The following OTOGL variants were observed in gnomAD, a reference collection of about 807,000 sequenced individuals.
The protein encoded by OTOGL is otogelin-like protein.
Under a neutral mutation model 318.5 loss-of-function variants are expected in OTOGL, and 285 were observed. The observed-to-expected ratio is 0.89, with a 90% CI of 0.81 to 0.99. The LOEUF (loss-of-function observed/expected upper bound fraction) is 0.99, where lower values mean the gene tolerates loss of function less well. OTOGL is among the 50% of genes least tolerant of loss of function. The pLI is 0.00. For missense variants in OTOGL, 2,899 were observed against 2,845.6 expected, an observed-to-expected ratio of 1.02 and a Z score of -0.43; for synonymous variants, 987 against 936.5, an observed-to-expected ratio of 1.05 and a Z score of -0.99.
chr12:80,193,850 T>C (rs1037826260), intron 1 of OTOGL, among the ~76,000 whole-genome samples: 1 of 152,184 alleles, frequency 6.6e-6, no homozygotes, highest in Non-Finnish European at 1.5e-5. Context: ...TCTGCCTAAA[T>C]TGGATTTGTG....
intron 42 of OTOGL, 80 bp from the exon 43 acceptor site, chr12:80,338,995 G>A (rs1008378433): frequency 7.7e-6 from 9 of 1,167,004 alleles, no homozygotes; most frequent in Admixed American, 2.6e-5. Context: ...CATTAAATCA[G>A]AATAAAGGAA....
In OTOGL at chr12:80,314,307, C is replaced by G; in HGVS notation, c.3610C>G (p.Leu1204Val). ...IHWRSSTVCS[L>V]DCEYYNEGLG... ...TATTTATTCTTTTTTTCTTTTAGCACTTGATTGTGAATACTACAATGAAGG... is the reference window on the plus strand; with the variant it reads ...TATTTATTCTTTTTTTCTTTTAGCAGTTGATTGTGAATACTACAATGAAGG... The change falls in exon 32 of 59, where the codon CTT becomes GTT. Residue 1204 changes from leucine to valine, a missense_variant and splice_region_variant. By Grantham distance (32) the Leu-to-Val change is conservative. Around this residue, in one of 3 missense-constraint regions of OTOGL, gnomAD observed 2,607 missense variants for 2,524.9 expected, o/e 1.03. Transcript: ENST00000547103. 1 of 1,047,060 alleles carries G rather than the reference C, an allele frequency of 9.6e-7. No individual in the cohort carries two copies. The allele number at this position is 1,047,060 out of a possible 1,614,324, so 64.9% of individuals were successfully genotyped here.
At chr12:80,171,695 C>T (rs1049474023) in intron 1 of OTOGL, among the ~76,000 whole-genome samples, 2 of 152,110 alleles carry the variant, frequency 1.3e-5, no homozygotes, top group African/African-American at 4.8e-5. Flanking sequence ...ATCTACCAAA[C>T]TTCTCCTGGG....
intron 26 of OTOGL, among the ~76,000 whole-genome samples, chr12:80,289,742 C>A (rs1884903912): frequency 6.6e-6 from 1 of 152,278 alleles, no homozygotes; most frequent in Admixed American, 6.5e-5. Flanking sequence ...GGACGCCCCT[C>A]CCCCAACCAA....
In OTOGL at chr12:80,192,979, A is replaced by G. The variant is rs74444321; in HGVS notation, c.-19-16434A>G. On this transcript the variant is annotated intron_variant, in intron 1 of 58. Coordinates refer to ENST00000547103, the MANE Select transcript of OTOGL (RefSeq NM_001378609.3). ...CTTCATTCTTACATAGTATGGGCTC[A>G]TTGAAAATACTAAAAAAAAAACCGA... 5.4e-3 allele frequency among the ~76,000 whole-genome samples: 770 copies of G among 141,628 alleles called. 8 individuals carry two copies. The highest frequency in any genetic ancestry group is 0.019 in the African/African-American group (730 of 39,386). 92.9% of individuals were successfully genotyped at this position (141,628 alleles called of 152,430 possible). A position where few individuals can be genotyped will look rare whatever the true frequency, so the allele number is the denominator to read the frequency against.
chr12:80,249,290 G>T (rs1477555410), intron 11 of OTOGL, among the ~76,000 whole-genome samples: 1 of 151,384 alleles, frequency 6.6e-6, no homozygotes, highest in Admixed American at 6.5e-5. Context: ...CCCCATCTTT[G>T]TGGTTTTATC....
At chr12:80,275,566 C>A (rs1256587270) in intron 24 of OTOGL, among the ~76,000 whole-genome samples, 1 of 151,872 alleles carries the variant, frequency 6.6e-6, no homozygotes, top group Non-Finnish European at 1.5e-5. Flanking sequence ...GTTGATAAAG[C>A]AGTGGTAGGG....
intron 32 of OTOGL, among the ~76,000 whole-genome samples, chr12:80,316,542 T>C (rs1592699557): frequency 6.6e-6 from 1 of 152,190 alleles, no homozygotes; most frequent in Admixed American, 6.6e-5. Flanking sequence ...AAACCTGTTC[T>C]TCTAGTTTCA....
chr12:80,242,625 C>T (rs760106187), intron 11 of OTOGL, among the ~76,000 whole-genome samples: 1 of 152,006 alleles, frequency 6.6e-6, no homozygotes, highest in Non-Finnish European at 1.5e-5. Context: ...TAATTTCCTG[C>T]TTGGGTTATG....
rs1289543161 is a variant in OTOGL at position 80,320,474 on chromosome 12, T to A, written c.3855T>A (p.Tyr1285Ter). ...ESAERPNYFL[Y>*]VHDNDTLSLE... ...CTGAAAGGCCAAACTACTTTCTCTA[T>A]GTCCATGACAATGATACTCTTAGCT... The change falls in exon 34 of 59, where the codon TAT becomes TAA. Residue 1285 changes from tyrosine to a stop codon, truncating the protein, a stop_gained. Coordinates refer to ENST00000547103, the MANE Select transcript of OTOGL (RefSeq NM_001378609.3). LOFTEE classifies it high-confidence loss of function. 1 of 1,613,476 alleles carries A rather than the reference T, an allele frequency of 6.2e-7. No homozygotes were observed. Among genetic ancestry groups the A allele is most frequent in the Non-Finnish European group, 8.5e-7 (1 of 1,179,628 alleles).
intron 43 of OTOGL, 41 bp from the exon 44 acceptor site, chr12:80,341,907 G>A (rs756589642): frequency 2.2e-5 from 30 of 1,381,290 alleles, no homozygotes; most frequent in Non-Finnish European, 3.0e-5. Context: ...GTCTACATTA[G>A]TTTAAGTTTT....
chr12:80,274,403 A>G (rs1019727249), intron 24 of OTOGL, among the ~76,000 whole-genome samples: 6 of 152,078 alleles, frequency 3.9e-5, no homozygotes, highest in African/African-American at 1.4e-4. Context: ...AATCCATAGC[A>G]AGGCTTTAAC....
intron 1 of OTOGL, among the ~76,000 whole-genome samples, chr12:80,172,257 A>G (rs1874250340): frequency 6.6e-6 from 1 of 151,526 alleles, no homozygotes; most frequent in Non-Finnish European, 1.5e-5. Flanking sequence ...ATTCTTTGTG[A>G]AGGTTTCCTA....
intron 27 of OTOGL, among the ~76,000 whole-genome samples, chr12:80,297,873 C>T (rs1052051377): frequency 4.6e-5 from 7 of 152,158 alleles, no homozygotes; most frequent in African/African-American, 1.7e-4. Context: ...TATTCTTATG[C>T]AATATGTCTT....
At chr12:80,195,288 G>A (rs1269681827) in intron 1 of OTOGL, among the ~76,000 whole-genome samples, 1 of 152,150 alleles carries the variant, frequency 6.6e-6, no homozygotes, top group Non-Finnish European at 1.5e-5. Context: ...GAAAAGAATG[G>A]TTAACAGCCT....
At chr12:80,248,617 T>C (rs1372432778) in intron 11 of OTOGL, among the ~76,000 whole-genome samples, 9 of 125,466 alleles carry the variant, frequency 7.2e-5, no homozygotes, top group African/African-American at 3.1e-4. Context: ...TCATTTCAAC[T>C]TTGGTGAATC....
intron 7 of OTOGL, among the ~76,000 whole-genome samples, chr12:80,225,756 T>C (rs1231661436): frequency 2.0e-5 from 3 of 152,134 alleles, no homozygotes; most frequent in Admixed American, 2.0e-4. Flanking sequence ...TTCCAACTTC[T>C]GTAATACTCA....
chr12:80,355,551 GTATA>G lies in OTOGL; in HGVS notation c.5594-184_5594-181del, dbSNP rs200623928. Among the ~76,000 whole-genome samples the G allele has an allele frequency of 9.9e-3, 1,503 of 152,084 alleles. 20 individuals carry two copies. Among genetic ancestry groups the G allele is most frequent in the African/African-American group, 0.034 (1,396 of 41,480 alleles). The stretch of plus-strand genomic sequence containing the variant: ...GAAAAAAATATTTTCTGTGGACTAA[GTATA>G]AACTTTCATTAAAGAAAAATGTAAG... On this transcript the variant is annotated intron_variant, in intron 46 of 58. Coordinates refer to ENST00000547103, the MANE Select transcript of OTOGL (RefSeq NM_001378609.3).
chr12:80,150,688 A>T (rs1872731442), intron 1 of OTOGL, among the ~76,000 whole-genome samples: 1 of 152,216 alleles, frequency 6.6e-6, no homozygotes, highest in Admixed American at 6.5e-5. Context: ...ACCTTTGGTG[A>T]GTCATGGATC....
Sources: gnomAD v4.1 joint callset for allele counts (sites outside exome capture counted in the v4.1 genomes callset) on GRCh38, gnomAD v4.1.1 for gene constraint, gnomAD v4.1.1 regional missense constraint, MANE v1.5 for transcripts, NCBI Gene and HGNC (gene_info 2026-07-23, HGNC 2026-07-21) for gene names.